Variants in TTN observed in about 807,000 individuals in gnomAD.
TTN encodes the protein titin, also known as connectin.
A neutral mutation model predicts 3,223.0 loss-of-function variants in TTN; 1,525 were observed. The observed-to-expected ratio is 0.47, with a 90% CI of 0.45 to 0.49. The LOEUF (loss-of-function observed/expected upper bound fraction) is 0.49, where lower values mean the gene tolerates loss of function less well. TTN is among the 20% of genes least tolerant of loss of function. The pLI is 0.00. For missense variants in TTN, 40,786 were observed against 43,424.0 expected, an observed-to-expected ratio of 0.94 and a Z score of 5.40; for synonymous variants, 14,094 against 15,161.0, an observed-to-expected ratio of 0.93 and a Z score of 5.17.
chr2:178,580,238 A>G lies in TTN; in HGVS notation c.67058-9T>C. 1.9e-6 allele frequency: 3 copies of G among 1,610,198 alleles called. No individual in the cohort carries two copies. The highest frequency in any genetic ancestry group is 2.5e-6 in the Non-Finnish European group (3 of 1,178,878). On this transcript the variant is annotated splice_polypyrimidine_tract_variant and intron_variant, in intron 317 of 362. Transcript: ENST00000589042. ...AGGTGGCCCAGGAGTATCTGGATAA[A>G]TAGTAGGTAAATAAGAAATGAATGT...
Position 178,672,095 on chromosome 2 carries a change from T to A in TTN, c.35103A>T (p.Glu11701Asp). The part of the protein sequence containing the change: ...FEEGEFHEVE[E>D]FIKLEQHRVE... ...CTCTATGTTGTTCTAATTTGATGAA[T>A]TCTTCTACTTCATGAAACTCGCCTT... The change falls in exon 155 of 363, where the codon GAA becomes GAT. Residue 11701 changes from glutamate (E) to aspartate (D), a missense_variant. Coordinates refer to ENST00000589042, the MANE Select transcript of TTN (RefSeq NM_001267550.2). 1 of 1,612,238 alleles carries A rather than the reference T, an allele frequency of 6.2e-7. No homozygotes were observed. Among genetic ancestry groups the A allele is most frequent in the Non-Finnish European group, 8.5e-7 (1 of 1,179,076 alleles).
chr2:178,697,168 T>C lies in TTN; in HGVS notation c.30755A>G (p.Glu10252Gly), dbSNP rs1201345936. 6.5e-7 allele frequency: 1 copy of C among 1,527,650 alleles called. No homozygotes were observed. The highest frequency in any genetic ancestry group is 2.4e-5 in the East Asian group (1 of 41,124). The allele number at this position is 1,527,650 out of a possible 1,614,324, so 94.6% of individuals were successfully genotyped here. A position where few individuals can be genotyped will look rare whatever the true frequency, so the allele number is the denominator to read the frequency against. The change falls in exon 113 of 363, where the codon GAG becomes GGG. Residue 10252 changes from glutamate to glycine, a missense_variant and splice_region_variant. By Grantham distance (98) the Glu-to-Gly change is moderately conservative. Coordinates refer to ENST00000589042, the MANE Select transcript of TTN (RefSeq NM_001267550.2). ...AKPKEMTPRE[E>G]IVKKPPPPTT... Reference sequence around the variant, plus strand: ...AGGAGGTGGAGGCTTCTTGACAATCTCTGGGAGTTTAAAAACATAAAAATG... The same window carrying C: ...AGGAGGTGGAGGCTTCTTGACAATCCCTGGGAGTTTAAAAACATAAAAATG...
intron 48 of TTN, among the ~76,000 whole-genome samples, chr2:178,738,598 A>G (rs903359986): frequency 7.9e-5 from 12 of 152,166 alleles, no homozygotes; most frequent in Admixed American, 7.2e-4. Flanking sequence ...ATTGTGAAAA[A>G]ATGTGATGCT....
chr2:178,793,868 G>A (rs1157644145), intron 8 of TTN, among the ~76,000 whole-genome samples: 16 of 152,188 alleles, frequency 1.1e-4, no homozygotes, highest in Admixed American at 1.0e-3. Flanking sequence ...AGGATAAGGA[G>A]GAAAGCTGGA....
Position 178,534,561 on chromosome 2 carries a change from T to G in TTN, c.102054A>C (p.Glu34018Asp). The change falls in exon 358 of 363, where the codon GAA becomes GAC. Residue 34018 changes from glutamate to aspartate, a missense_variant. Coordinates refer to ENST00000589042, the MANE Select transcript of TTN (RefSeq NM_001267550.2). Reference sequence around the variant, plus strand: ...TATTCTCAATGATCTGTTGGTTAGTTTCAGCCAGGAATGGGTTGATACCAC... The same window carrying G: ...TATTCTCAATGATCTGTTGGTTAGTGTCAGCCAGGAATGGGTTGATACCAC... ...LLSGINPFLAETNQQIIENIM... is the reference protein window; with the variant it reads ...LLSGINPFLADTNQQIIENIM... 6.2e-7 allele frequency: 1 copy of G among 1,613,882 alleles called. No individual in the cohort carries two copies. The highest frequency in any genetic ancestry group is 1.1e-5 in the South Asian group (1 of 91,074).
Position 178,751,077 on chromosome 2 carries a change from C to T in TTN, c.11311+2047G>A, listed in dbSNP as rs774535922. ...TTTTGATCCATTTGATTAGAAAGGGCATGTGGATTTTGCACAATACTCTCA... is the reference window on the plus strand; with the variant it reads ...TTTTGATCCATTTGATTAGAAAGGGTATGTGGATTTTGCACAATACTCTCA... On this transcript the variant is annotated intron_variant, in intron 47 of 362. Coordinates refer to ENST00000589042, the MANE Select transcript of TTN (RefSeq NM_001267550.2). The T allele has an allele frequency of 1.9e-5, 31 of 1,612,714 alleles. No homozygotes were observed. The highest frequency in any genetic ancestry group is 2.6e-5 in the Non-Finnish European group (31 of 1,179,308).
In TTN at chr2:178,611,214, A is replaced by C; in HGVS notation, c.50915T>G (p.Leu16972Ter). 2 of 1,612,684 alleles carry C rather than the reference A, an allele frequency of 1.2e-6. No homozygotes were observed. Among genetic ancestry groups the C allele is most frequent in the Non-Finnish European group, 1.7e-6 (2 of 1,179,256 alleles). ...AGCTCTGAAGGGAACAGGAATGCTTAACTTTTCACCTTCAATAACAATAAT... is the reference window on the plus strand; with the variant it reads ...AGCTCTGAAGGGAACAGGAATGCTTCACTTTTCACCTTCAATAACAATAAT... Reference protein sequence around the residue: ...HDIIVIEGEKLSIPVPFRAVP... With the variant: ...HDIIVIEGEK Residue 16972 changes from leucine to a stop codon, truncating the protein, a stop_gained, in exon 270 of 363, where the codon TTA becomes TGA. Coordinates refer to ENST00000589042, the MANE Select transcript of TTN (RefSeq NM_001267550.2). LOFTEE classifies it high-confidence loss of function.
rs139178471 is a variant in TTN at position 178,792,193 on chromosome 2, C to T, written c.1541G>A (p.Arg514Lys). 1.1e-5 allele frequency: 17 copies of T among 1,605,834 alleles called. No homozygotes were observed. In the African/African-American group the frequency reaches 2.1e-4, roughly 20 times the overall value. ...TACAAATGTTTTTTCAGTTTCTTTT[C>T]TTATCTGCAAAGAATGATTTAAGAA... is the stretch of plus-strand genomic sequence containing the variant. ...EQMHVTHEQI[R>K]KETEKTFVPK... The change falls in exon 10 of 363, where the codon AGA becomes AAA. Residue 514 changes from arginine (R) to lysine (K), a missense_variant. Physicochemically the swap from Arg to Lys is conservative, Grantham distance 26 (BLOSUM62 2). Coordinates refer to ENST00000589042, the MANE Select transcript of TTN (RefSeq NM_001267550.2).
chr2:178,692,814 C>T (rs1261384377), intron 119 of TTN, among the ~76,000 whole-genome samples: 1 of 152,146 alleles, frequency 6.6e-6, no homozygotes, highest in African/African-American at 2.4e-5. Flanking sequence ...AGCAATCCTC[C>T]CTCGGAGGTG....
rs375518897 is a variant in TTN at position 178,704,788 on chromosome 2, A to G, written c.29695-11T>C. On this transcript the variant is annotated splice_polypyrimidine_tract_variant and intron_variant, in intron 104 of 362. Coordinates refer to ENST00000589042, the MANE Select transcript of TTN (RefSeq NM_001267550.2). ...GATCAGAGTGACAGGCTAGGAGAAT[A>G]AAGAATTAAAACACATTTGTTACTC... The G allele has an allele frequency of 3.7e-6, 6 of 1,606,690 alleles. No homozygotes were observed. Among genetic ancestry groups the G allele is most frequent in the Non-Finnish European group, 5.1e-6 (6 of 1,177,304 alleles).
In TTN at chr2:178,756,795, G is replaced by A. The variant is rs1379620241; in HGVS notation, c.10681C>T (p.Gln3561Ter). 20 of 1,613,038 alleles carry A rather than the reference G, an allele frequency of 1.2e-5. No individual in the cohort carries two copies. Among genetic ancestry groups the A allele is most frequent in the Non-Finnish European group, 1.5e-5 (18 of 1,179,364 alleles). Residue 3561 changes from glutamine (Q) to a stop codon, truncating the protein, a stop_gained and splice_region_variant, in exon 46 of 363, where the codon CAA (glutamine) becomes TAA (stop). Transcript: ENST00000589042. LOFTEE classifies it high-confidence loss of function. ...CCAGAACTTTGCCTATCTAGGGCTT[G>A]CACTGTATAATCAAGTGACAAGAAA... is the stretch of plus-strand genomic sequence containing the variant. The part of the protein sequence containing the change: ...AATLTVTPKV[Q>*]ALDRQSSGKD...
At chr2:178,674,213 A>G in intron 151 of TTN, 101 bp downstream of exon 151, 8 of 724,924 alleles carry the variant, frequency 1.1e-5, no homozygotes, top group Non-Finnish European at 1.9e-5. Flanking sequence ...TATCATGGAT[A>G]CGATATAAGA....
rs143273623 is a variant in TTN at position 178,784,151 on chromosome 2, C to A, written c.2694G>T (p.Val898=). The part of the protein sequence containing the change: ...DTYKSEAGVE[V]KKEVGVSITG... ...TGATGCTCACCCCTACTTCCTTTTTCACCTCAACGCCAGCTTCACTCTTGT... is the reference window on the plus strand; with the variant it reads ...TGATGCTCACCCCTACTTCCTTTTTAACCTCAACGCCAGCTTCACTCTTGT... Residue 898 remains valine, a synonymous_variant, in exon 16 of 363, where the codon GTG becomes GTT. Coordinates refer to ENST00000589042, the MANE Select transcript of TTN (RefSeq NM_001267550.2). 1.9e-6 allele frequency: 3 copies of A among 1,614,008 alleles called. No individual in the cohort carries two copies. In the African/African-American group the frequency reaches 4.0e-5, roughly 22 times the overall value.
chr2:178,577,906 A>G lies in TTN; in HGVS notation c.68528-8T>C, dbSNP rs746223377. Reference sequence around the variant, plus strand: ...CAGGTTTTCCAGGAGGATCTAAAACATAAAAGCAAAACCAGTCAAACAAAT... The same window carrying G: ...CAGGTTTTCCAGGAGGATCTAAAACGTAAAAGCAAAACCAGTCAAACAAAT... On this transcript the variant is annotated splice_polypyrimidine_tract_variant and splice_region_variant and intron_variant, in intron 322 of 362. Transcript: ENST00000589042. The G allele has an allele frequency of 2.5e-5, 40 of 1,582,156 alleles. No homozygotes were observed. Among genetic ancestry groups the G allele is most frequent in the Non-Finnish European group, 3.3e-5 (39 of 1,165,860 alleles).
rs1298134440 is a variant in TTN at position 178,665,803 on chromosome 2, T to C, written c.35876-12A>G. 9 of 1,254,600 alleles carry C rather than the reference T, an allele frequency of 7.2e-6. No homozygotes were observed. The highest frequency in any genetic ancestry group is 9.1e-6 in the Non-Finnish European group (9 of 992,952). 77.7% of individuals were successfully genotyped at this position (1,254,600 alleles called of 1,614,324 possible). ...AGGTGATTCAGGCACTTTAAAGATA[T>C]GAATGCATTGTACTTTGGAGTTATG... On this transcript the variant is annotated splice_polypyrimidine_tract_variant and intron_variant, in intron 163 of 362. Coordinates refer to ENST00000589042, the MANE Select transcript of TTN (RefSeq NM_001267550.2).
chr2:178,675,437 T>C (rs561376706), intron 149 of TTN, among the ~76,000 whole-genome samples: 264 of 151,838 alleles, frequency 1.7e-3, no homozygotes, highest in African/African-American at 6.0e-3. Context: ...TTTTTGGCTC[T>C]TTAAAGATAT....
intron 85 of TTN, 39 bp downstream of exon 85, chr2:178,718,283 A>T (rs750180002): frequency 1.0e-5 from 16 of 1,599,348 alleles, no homozygotes; most frequent in Non-Finnish European, 1.4e-5. Flanking sequence ...GATGTTTGAA[A>T]AGAAAGAGAG....
chr2:178,548,594 A>G lies in TTN; in HGVS notation c.93032T>C (p.Val31011Ala). 6.2e-7 allele frequency: 1 copy of G among 1,613,872 alleles called. No individual in the cohort carries two copies. The highest frequency in any genetic ancestry group is 1.1e-5 in the South Asian group (1 of 91,078). Reference sequence around the variant, plus strand: ...TGGGCCTGGAGTGTCTAGCACTTTCACGGTGAATGTGATTGACTTACTACC... The same window carrying G: ...TGGGCCTGGAGTGTCTAGCACTTTCGCGGTGAATGTGATTGACTTACTACC... ...NSGSKSITFT[V>A]KVLDTPGPPG... The change falls in exon 339 of 363, where the codon GTG (valine) becomes GCG (alanine). Residue 31011 changes from valine (V) to alanine (A), a missense_variant. Coordinates refer to ENST00000589042, the MANE Select transcript of TTN (RefSeq NM_001267550.2). The surrounding 1 kb of genome is among the most constrained non-coding windows in gnomAD (Gnocchi z 4.3).
At position 178,776,419 on chromosome 2, in the gene TTN, T is replaced by A. The variant is rs764064146; in HGVS notation, c.5445A>T (p.Arg1815Ser). The A allele has an allele frequency of 1.2e-6, 2 of 1,611,158 alleles. No homozygotes were observed. Among genetic ancestry groups the A allele is most frequent in the South Asian group, 2.2e-5 (2 of 91,086 alleles). The part of the protein sequence containing the change: ...QLPEGRKGLQ[R>S]IEELERMAHE... ...GAGCCATTCTCTCTAATTCTTCAATTCTCTGTAAGCCTTTCCTCCCCTCAG... is the reference window on the plus strand; with the variant it reads ...GAGCCATTCTCTCTAATTCTTCAATACTCTGTAAGCCTTTCCTCCCCTCAG... The change falls in exon 28 of 363, where the codon AGA (arginine) becomes AGT (serine). Residue 1815 changes from arginine to serine, a missense_variant. Physicochemically the swap from Arg to Ser is moderately radical, Grantham distance 110. Coordinates refer to ENST00000589042, the MANE Select transcript of TTN (RefSeq NM_001267550.2).
Sources: allele counts gnomAD v4.1 joint callset (sites outside exome capture counted in the v4.1 genomes callset), GRCh38; gene constraint gnomAD v4.1.1; non-coding constraint Gnocchi (gnomAD v3.1); transcripts MANE v1.5; gene names NCBI Gene and HGNC (gene_info 2026-07-23, HGNC 2026-07-21).